Variants in BICRAL observed in about 807,000 individuals in gnomAD.
BICRAL encodes the protein BRD4-interacting chromatin-remodeling complex-associated protein-like.
A neutral mutation model predicts 91.8 loss-of-function variants in BICRAL; 8 were observed. That is an observed-to-expected ratio of 0.09 (90% CI 0.05 to 0.16). BICRAL has a LOEUF of 0.16. BICRAL is among the 10% of genes least tolerant of loss of function. The probability of loss-of-function intolerance (pLI) is 1.00; values close to 1 mark genes in which losing one functional copy is unlikely to be tolerated. For synonymous variants in BICRAL, 445 were observed against 491.1 expected (o/e 0.91, Z 1.24); for missense variants, 1,038 against 1,310.9 (o/e 0.79, Z 3.21).
In BICRAL at chr6:42,866,925, TAC is replaced by T. The variant is rs1419327594; in HGVS notation, c.*1486_*1487del. On this transcript the variant is annotated 3_prime_UTR_variant, in exon 13 of 13. Coordinates refer to ENST00000314073, the MANE Select transcript of BICRAL (RefSeq NM_001393499.1). ...TTTTTATGCACTCTTCTCCCACACA[TAC>T]ACACACGTGCATGTATCTGAGCTGC... is the stretch of plus-strand genomic sequence containing the variant. The T allele has an allele frequency of 4.4e-6, 2 of 455,166 alleles. No individual in the cohort carries two copies. The highest frequency in any genetic ancestry group is 2.4e-5 in the Admixed American group (1 of 42,456). 28.2% of individuals were successfully genotyped at this position (455,166 alleles called of 1,614,324 possible).
intron 1 of BICRAL, among the ~76,000 whole-genome samples, chr6:42,770,902 G>C (rs1050744358): frequency 4.6e-5 from 7 of 151,346 alleles, no homozygotes; most frequent in African/African-American, 1.7e-4. Flanking sequence ...CGTTGGCCAC[G>C]AACTCCTGAC....
chr6:42,773,904 A>AT (rs2113848160), intron 1 of BICRAL, among the ~76,000 whole-genome samples: 1 of 152,344 alleles, frequency 6.6e-6, no homozygotes, highest in South Asian at 2.1e-4. Flanking sequence ...GTAGCAAATG[A>AT]TTTTTAAGAA....
chr6:42,823,660 A>G (rs925028245), intron 5 of BICRAL, among the ~76,000 whole-genome samples: 2 of 152,036 alleles, frequency 1.3e-5, no homozygotes, highest in African/African-American at 4.8e-5. Context: ...GTGGTGGCTC[A>G]TGCCTGTAAT....
Position 42,866,035 on chromosome 6 carries a change from G to C in BICRAL, c.*589G>C, listed in dbSNP as rs1765702298. ...CAGTAAATTGCTGGCTGTGCTGCCA[G>C]GGACCCGCAGCCCTGGTGGAAAAGC... On this transcript the variant is annotated 3_prime_UTR_variant, in exon 13 of 13. Transcript: ENST00000314073. 1 of 152,432 alleles carries C rather than the reference G, an allele frequency of 6.6e-6. No homozygotes were observed. The highest frequency in any genetic ancestry group is 1.5e-5 in the Non-Finnish European group (1 of 68,302). 9.4% of individuals were successfully genotyped at this position (152,432 alleles called of 1,614,324 possible). A position where few individuals can be genotyped will look rare whatever the true frequency, so the allele number is the denominator to read the frequency against.
At chr6:42,857,614 A>AAAAAAAATATATAT in intron 10 of BICRAL, among the ~76,000 whole-genome samples, 11 of 96,212 alleles carry the variant, frequency 1.1e-4, no homozygotes, top group African/African-American at 3.9e-4. Flanking sequence ...AAAAAAAAAA[A>AAAAAAAATATATAT]ATATATATAT....
At chr6:42,837,937 A>G (rs1215588012) in intron 6 of BICRAL, among the ~76,000 whole-genome samples, 1 of 152,140 alleles carries the variant, frequency 6.6e-6, no homozygotes, top group Non-Finnish European at 1.5e-5. Context: ...CCATGGACAA[A>G]TTGGAAGAGT....
intron 2 of BICRAL, among the ~76,000 whole-genome samples, chr6:42,815,221 G>A (rs1211933204): frequency 2.5e-5 from 3 of 122,426 alleles, no homozygotes; most frequent in East Asian, 4.6e-4. Context: ...ATGGAGTCTC[G>A]CTCTGTTGCC....
Position 42,867,853 on chromosome 6 carries a change from A to G in BICRAL, c.*2407A>G. On this transcript the variant is annotated 3_prime_UTR_variant, in exon 13 of 13. Coordinates refer to ENST00000314073, the MANE Select transcript of BICRAL (RefSeq NM_001393499.1). ...GTCATTGTATGTAAGTTTACTTTTT[A>G]TGGAGGAAGGATTCTAGATAATGAC... is the stretch of plus-strand genomic sequence containing the variant. 1 of 152,348 alleles carries G rather than the reference A, an allele frequency of 6.6e-6. No homozygotes were observed. The highest frequency in any genetic ancestry group is 1.5e-5 in the Non-Finnish European group (1 of 68,026). The allele number at this position is 152,348 out of a possible 1,614,324, so 9.4% of individuals were successfully genotyped here.
At chr6:42,815,056 C>T (rs1174907968) in intron 2 of BICRAL, among the ~76,000 whole-genome samples, 1 of 150,360 alleles carries the variant, frequency 6.7e-6, no homozygotes, top group African/African-American at 2.5e-5. Flanking sequence ...ATTACAGGCA[C>T]GCACCACCAC....
chr6:42,866,495 A>C lies in BICRAL; in HGVS notation c.*1049A>C, dbSNP rs1765714048. The C allele has an allele frequency of 5.7e-6, 1 of 176,470 alleles. No individual in the cohort carries two copies. The highest frequency in any genetic ancestry group is 5.8e-5 in the Admixed American group (1 of 17,340). The allele number at this position is 176,470 out of a possible 1,614,324, so 10.9% of individuals were successfully genotyped here. On this transcript the variant is annotated 3_prime_UTR_variant, in exon 13 of 13. Coordinates refer to ENST00000314073, the MANE Select transcript of BICRAL (RefSeq NM_001393499.1). Reference sequence around the variant, plus strand: ...CAAGCATCAAAAGCACTTTCATTTGAAAATTATTATGTTGTAATTTTTCAG... The same window carrying C: ...CAAGCATCAAAAGCACTTTCATTTGCAAATTATTATGTTGTAATTTTTCAG...
chr6:42,859,650 A>AT (rs1562498904), intron 10 of BICRAL, among the ~76,000 whole-genome samples: 2 of 151,200 alleles, frequency 1.3e-5, no homozygotes, highest in African/African-American at 4.9e-5. Context: ...ATATATATAT[A>AT]TTTTTTTTTG....
At chr6:42,864,161 C>T (rs1429395775) in intron 12 of BICRAL, among the ~76,000 whole-genome samples, 2 of 150,436 alleles carry the variant, frequency 1.3e-5, no homozygotes, top group African/African-American at 4.9e-5. Context: ...GAGCAAAACT[C>T]CGTCTCAAAA....
intron 10 of BICRAL, 99 bp downstream of exon 10, chr6:42,857,335 G>A (rs915424106): frequency 1.1e-6 from 1 of 948,082 alleles, no homozygotes; most frequent in Non-Finnish European, 1.6e-6. Flanking sequence ...CAGATGGTAG[G>A]CAGGTTATTG....
intron 7 of BICRAL, among the ~76,000 whole-genome samples, chr6:42,853,070 A>G (rs1166663945): frequency 1.3e-5 from 2 of 151,712 alleles, no homozygotes; most frequent in African/African-American, 4.8e-5. Context: ...GTCTCAAAAA[A>G]AAAAAAAAAA....
At chr6:42,814,420 CATAT>C (rs1212746460) in intron 2 of BICRAL, among the ~76,000 whole-genome samples, 4 of 133,620 alleles carry the variant, frequency 3.0e-5, no homozygotes, top group African/African-American at 1.1e-4. Context: ...TGTATACATA[CATAT>C]ATATACACAT....
intron 1 of BICRAL, among the ~76,000 whole-genome samples, chr6:42,755,105 G>A (rs1279261428): frequency 1.3e-5 from 2 of 152,168 alleles, no homozygotes; most frequent in Non-Finnish European, 2.9e-5. Flanking sequence ...AAGGGTGGAG[G>A]TAGGGGGTCT....
At chr6:42,815,411 C>CA (rs1227414959) in intron 2 of BICRAL, among the ~76,000 whole-genome samples, 1 of 151,878 alleles carries the variant, frequency 6.6e-6, no homozygotes, top group Non-Finnish European at 1.5e-5. Context: ...AGGTTGGTCT[C>CA]AAACTCCTGA....
chr6:42,801,753 A>C (rs1056552464), intron 1 of BICRAL, among the ~76,000 whole-genome samples: 5 of 151,656 alleles, frequency 3.3e-5, no homozygotes, highest in Admixed American at 6.6e-5. Context: ...GTGGTGGCGC[A>C]CACCTATAAT....
chr6:42,828,220 T>A (rs568594367), intron 5 of BICRAL, among the ~76,000 whole-genome samples: 1 of 151,814 alleles, frequency 6.6e-6, no homozygotes, highest in East Asian at 2.0e-4. Context: ...GAGACCATGG[T>A]GAAACCCCAT....
Sources: allele counts gnomAD v4.1 joint callset (sites outside exome capture counted in the v4.1 genomes callset), GRCh38; gene constraint gnomAD v4.1.1; transcripts MANE v1.5; gene names NCBI Gene and HGNC (gene_info 2026-07-23, HGNC 2026-07-21).